Variants in DOCK1 observed in about 807,000 individuals in gnomAD.
DOCK1 encodes the protein dedicator of cytokinesis protein 1.
In DOCK1, 138 loss-of-function variants were observed where a neutral mutation model predicts 262.7. That is an observed-to-expected ratio of 0.53 (90% CI 0.46 to 0.61). The LOEUF is 0.61. Among genes scored for constraint, DOCK1 ranks in the 20% least tolerant of loss-of-function variants. The probability of loss-of-function intolerance (pLI) is 0.00; values close to 1 mark genes in which losing one functional copy is unlikely to be tolerated. For synonymous variants in DOCK1, 866 were observed against 867.4 expected (o/e 1.00, Z 0.03); for missense variants, 1,908 against 2,370.7 (o/e 0.80, Z 4.05).
At chr10:127,276,120 C>T (rs1016586782) in intron 29 of DOCK1, among the ~76,000 whole-genome samples, 6 of 152,180 alleles carry the variant, frequency 3.9e-5, no homozygotes, top group African/African-American at 1.4e-4. Flanking sequence ...TCAACAAACC[C>T]TATTAGCCAT....
In DOCK1 at chr10:127,166,361, G is replaced by A. The variant is rs141332068; in HGVS notation, c.2847+38597G>A. Among the ~76,000 whole-genome samples, 123 of 151,854 alleles carry A rather than the reference G, an allele frequency of 8.1e-4. 2 individuals are homozygous for A. In the East Asian group the frequency reaches 0.019, roughly 23 times the overall value. ...ATTACAGGCGTGAGCCACCGCGCCC[G>A]GCCCAAAAAAATGCCTGCATTTTCA... On this transcript the variant is annotated intron_variant, in intron 27 of 51. Coordinates refer to ENST00000623213, the MANE Select transcript of DOCK1 (RefSeq NM_001290223.2).
intron 30 of DOCK1, among the ~76,000 whole-genome samples, chr10:127,340,865 G>A (rs1000559000): frequency 5.3e-5 from 8 of 152,054 alleles, no homozygotes; most frequent in African/African-American, 1.9e-4. Context: ...CCTAACATTC[G>A]TATTTGGCTG....
intron 1 of DOCK1, among the ~76,000 whole-genome samples, chr10:126,945,280 G>A (rs1346017927): frequency 6.6e-6 from 1 of 152,036 alleles, no homozygotes; most frequent in African/African-American, 2.4e-5. Flanking sequence ...AGCTCACATG[G>A]TGGTGTTGGC....
chr10:127,044,682 G>A (rs531026356), intron 21 of DOCK1, among the ~76,000 whole-genome samples: 4 of 152,216 alleles, frequency 2.6e-5, no homozygotes, highest in South Asian at 2.1e-4. Flanking sequence ...ATTAGGCTCC[G>A]TGCTTGAATT....
chr10:127,116,977 T>C (rs961977682), intron 25 of DOCK1, among the ~76,000 whole-genome samples: 4 of 152,230 alleles, frequency 2.6e-5, no homozygotes, highest in African/African-American at 9.7e-5. Context: ...GAGAAAACTT[T>C]TTATCTGTAA....
chr10:127,285,463 G>A (rs2061115475), intron 29 of DOCK1, among the ~76,000 whole-genome samples: 1 of 152,244 alleles, frequency 6.6e-6, no homozygotes, highest in Non-Finnish European at 1.5e-5. Flanking sequence ...ACTGTTTCAT[G>A]TAGAACTTTC....
chr10:127,437,478 C>CTTT lies in DOCK1; in HGVS notation c.5061-1530_5061-1528dup, dbSNP rs5788842. On this transcript the variant is annotated intron_variant, in intron 48 of 51. Transcript: ENST00000623213. This position sits in a 1 kb window ranked among gnomAD's most constrained non-coding sequence, Gnocchi z 4.4. ...GGAGCAAGATTGCTGCAATGACCAT[C>CTTT]TTTTTTTTTTTTTTTTTTTTTGAGA... Among the ~76,000 whole-genome samples, 3 of 145,912 alleles carry CTTT rather than the reference C, an allele frequency of 2.1e-5. No homozygotes were observed. The highest frequency in any genetic ancestry group is 1.5e-5 in the Non-Finnish European group (1 of 65,786).
chr10:127,285,807 A>G (rs1470981107), intron 29 of DOCK1, among the ~76,000 whole-genome samples: 1 of 152,134 alleles, frequency 6.6e-6, no homozygotes, highest in Admixed American at 6.5e-5. Flanking sequence ...CTCCTGCTTG[A>G]CGACCTGTTA....
intron 1 of DOCK1, among the ~76,000 whole-genome samples, chr10:126,920,822 A>C (rs906357077): frequency 6.6e-6 from 1 of 152,220 alleles, no homozygotes; most frequent in African/African-American, 2.4e-5. Flanking sequence ...GTCCGAGTGC[A>C]GTGGTGTTTA....
At chr10:127,272,988 TG>T (rs1240731315) in intron 29 of DOCK1, among the ~76,000 whole-genome samples, 7 of 152,130 alleles carry the variant, frequency 4.6e-5, no homozygotes, top group Non-Finnish European at 8.8e-5. Flanking sequence ...GAGATTTGGG[TG>T]GGGACACAGG....
chr10:126,911,724 T>C (rs1411236789), intron 1 of DOCK1, among the ~76,000 whole-genome samples: 1 of 152,182 alleles, frequency 6.6e-6, no homozygotes, highest in African/African-American at 2.4e-5. Context: ...TGGATGGTAC[T>C]GTGGGCTTTG....
rs754806180 is a variant in DOCK1, at chr10:127,415,166, G to A, written c.4443G>A (p.Glu1481=). Residue 1481 remains glutamate (E), a synonymous_variant, in exon 44 of 52, where the codon GAG becomes GAA. Transcript: ENST00000623213. ...PDNEFANMWI[E]RTIYTTAYKL... is the part of the protein sequence containing the mutation. Reference sequence around the variant, plus strand: ...TTCCTTTGCAGAATATGTGGATCGAGAGAACCATATATACAACTGCATATA... The same window carrying A: ...TTCCTTTGCAGAATATGTGGATCGAAAGAACCATATATACAACTGCATATA... The A allele has an allele frequency of 6.2e-7, 1 of 1,613,782 alleles. No individual in the cohort carries two copies. Among genetic ancestry groups the A allele is most frequent in the South Asian group, 1.1e-5 (1 of 90,974 alleles).
At chr10:126,945,880 C>T (rs940749429) in intron 1 of DOCK1, among the ~76,000 whole-genome samples, 21 of 152,286 alleles carry the variant, frequency 1.4e-4, no homozygotes, top group African/African-American at 3.6e-4. Context: ...ACACCTCTGC[C>T]GTGCATCTCA....
rs780565089 is a variant in DOCK1, at chr10:127,439,140, G to T, written c.5174G>T (p.Ser1725Ile). Residue 1725 changes from serine (S) to isoleucine (I), a missense_variant, in exon 49 of 52, where the codon AGC becomes ATC. By Grantham distance (142) the Ser-to-Ile change is moderately radical. Coordinates refer to ENST00000623213, the MANE Select transcript of DOCK1 (RefSeq NM_001290223.2). The stretch of plus-strand genomic sequence containing the variant: ...GACAAGAAGAAGGAAAAAAGGAACA[G>T]CAAACATCAAGAGATATTTGAGAAA... ...KKDKKKEKRN[S>I]KHQEIFEKEF... 39 of 1,604,434 alleles carry T rather than the reference G, an allele frequency of 2.4e-5. No individual in the cohort carries two copies. In the South Asian group the frequency reaches 4.2e-4, roughly 17 times the overall value.
chr10:127,222,518 T>C (rs1415197256), intron 27 of DOCK1, among the ~76,000 whole-genome samples: 2 of 152,222 alleles, frequency 1.3e-5, no homozygotes, highest in Admixed American at 6.5e-5. Flanking sequence ...ATTGTCATGT[T>C]AACGTGGTAA....
chr10:126,932,842 C>T (rs965845575), intron 1 of DOCK1, among the ~76,000 whole-genome samples: 1 of 152,140 alleles, frequency 6.6e-6, no homozygotes, highest in African/African-American at 2.4e-5. Context: ...GGAACTTTCC[C>T]TCACCGCAGG....
chr10:127,129,495 C>T (rs971981816), intron 27 of DOCK1, among the ~76,000 whole-genome samples: 1 of 152,114 alleles, frequency 6.6e-6, no homozygotes, highest in Non-Finnish European at 1.5e-5. Flanking sequence ...AGTCTTGAAA[C>T]ACATTTGGAA....
At chr10:127,365,095 C>G (rs2064830828) in intron 33 of DOCK1, among the ~76,000 whole-genome samples, 2 of 152,032 alleles carry the variant, frequency 1.3e-5, no homozygotes, top group Admixed American at 6.6e-5. Context: ...GGAGCTTTCC[C>G]TTAATTACAA....
At chr10:127,397,274 A>G (rs1258842689) in intron 38 of DOCK1, among the ~76,000 whole-genome samples, 7 of 138,988 alleles carry the variant, frequency 5.0e-5, no homozygotes, top group Middle Eastern at 4.4e-3. Context: ...GGCGACTCCT[A>G]TGTGATCTGA....
Sources: gnomAD v4.1 joint callset for allele counts (sites outside exome capture counted in the v4.1 genomes callset) on GRCh38, gnomAD v4.1.1 for gene constraint, Gnocchi (gnomAD v3.1) non-coding constraint, MANE v1.5 for transcripts, NCBI Gene and HGNC (gene_info 2026-07-23, HGNC 2026-07-21) for gene names.